Variants in ADAMTS17 observed in about 807,000 individuals in gnomAD.
ADAMTS17 encodes the protein A disintegrin and metalloproteinase with thrombospondin motifs 17.
A neutral mutation model predicts 141.5 loss-of-function variants in ADAMTS17; 113 were observed. The ratio of observed to expected loss-of-function variants is 0.80; its 90% CI spans 0.69 to 0.93. The LOEUF is 0.93. Ranked by LOEUF, ADAMTS17 falls within the 40% of genes least tolerant of loss-of-function variation. The probability of loss-of-function intolerance (pLI) is 0.00; values close to 1 mark genes in which losing one functional copy is unlikely to be tolerated. For synonymous variants in ADAMTS17, 768 were observed against 630.6 expected, an observed-to-expected ratio of 1.22 and a Z score of -3.27; for missense variants, 1,659 against 1,517.9, an observed-to-expected ratio of 1.09 and a Z score of -1.54.
intron 3 of ADAMTS17, among the ~76,000 whole-genome samples, chr15:100,321,250 T>A (rs928792978): frequency 6.6e-6 from 1 of 151,938 alleles, no homozygotes; most frequent in African/African-American, 2.4e-5. Context: ...AAATTTTTTT[T>A]AAAAGTTGGT....
intron 20 of ADAMTS17, among the ~76,000 whole-genome samples, chr15:99,985,305 A>G (rs983616677): frequency 9.2e-5 from 14 of 152,256 alleles, no homozygotes; most frequent in Non-Finnish European, 1.9e-4. Context: ...ATCTGGATGC[A>G]GAGTGCTGGC....
chr15:100,279,194 C>G (rs2044202162), intron 4 of ADAMTS17, among the ~76,000 whole-genome samples: 1 of 152,222 alleles, frequency 6.6e-6, no homozygotes, highest in African/African-American at 2.4e-5. Flanking sequence ...CCTGCAGACC[C>G]TGTCCAGCCA....
chr15:100,195,954 G>A (rs1218138721), intron 8 of ADAMTS17, among the ~76,000 whole-genome samples: 1 of 152,182 alleles, frequency 6.6e-6, no homozygotes, highest in Non-Finnish European at 1.5e-5. Context: ...TTCCTAACCT[G>A]TAAAGTAAAA....
intron 7 of ADAMTS17, among the ~76,000 whole-genome samples, chr15:100,224,332 A>G (rs1210421921): frequency 6.6e-6 from 1 of 152,104 alleles, no homozygotes; most frequent in Non-Finnish European, 1.5e-5. Context: ...GGGGGTACAG[A>G]TATACCAGGG....
intron 10 of ADAMTS17, among the ~76,000 whole-genome samples, chr15:100,135,131 G>C (rs532952639): frequency 6.6e-6 from 1 of 152,108 alleles, no homozygotes; most frequent in African/African-American, 2.4e-5. Flanking sequence ...TCAACTGTTC[G>C]TTATGGATTT....
At chr15:100,039,825 G>A (rs1367290702) in intron 18 of ADAMTS17, among the ~76,000 whole-genome samples, 1 of 152,122 alleles carries the variant, frequency 6.6e-6, no homozygotes, top group South Asian at 2.1e-4. Flanking sequence ...AGGTATTGAA[G>A]TCTCCAGTTA....
intron 4 of ADAMTS17, among the ~76,000 whole-genome samples, chr15:100,272,148 T>C (rs553188676): frequency 1.3e-5 from 2 of 152,200 alleles, no homozygotes; most frequent in Non-Finnish European, 2.9e-5. Flanking sequence ...GTGTGAGTCT[T>C]ACTGTGTTCT....
intron 3 of ADAMTS17, among the ~76,000 whole-genome samples, chr15:100,314,362 C>T (rs28665519): frequency 0.27 from 41,222 of 152,064 alleles, 5,739 homozygotes; most frequent in East Asian, 0.34. Flanking sequence ...TCTATCCTTA[C>T]GTTAAATAAG....
At chr15:100,217,981 G>A (rs1351284942) in intron 7 of ADAMTS17, among the ~76,000 whole-genome samples, 1 of 152,176 alleles carries the variant, frequency 6.6e-6, no homozygotes, top group Non-Finnish European at 1.5e-5. Context: ...CCCGGGCTCA[G>A]GGCATCCTCC....
chr15:100,272,143 A>C (rs937071482), intron 4 of ADAMTS17, among the ~76,000 whole-genome samples: 2 of 152,186 alleles, frequency 1.3e-5, no homozygotes, highest in African/African-American at 4.8e-5. Context: ...AGGAAGTGTG[A>C]GTCTTACTGT....
intron 4 of ADAMTS17, among the ~76,000 whole-genome samples, chr15:100,263,600 C>G (rs1258134295): frequency 6.6e-6 from 1 of 152,122 alleles, no homozygotes; most frequent in African/African-American, 2.4e-5. Context: ...ATGGAAAAAG[C>G]CCACTGCAGC....
chr15:100,005,466 C>A (rs1002238369), intron 18 of ADAMTS17, among the ~76,000 whole-genome samples: 6 of 152,112 alleles, frequency 3.9e-5, no homozygotes, highest in Non-Finnish European at 7.3e-5. Flanking sequence ...CCACGCTGCC[C>A]CACTCCTTGG....
intron 7 of ADAMTS17, among the ~76,000 whole-genome samples, chr15:100,233,628 C>CACAGGCAAAGGACAGAGAA (rs2042560753): frequency 3.3e-5 from 5 of 152,146 alleles, no homozygotes; most frequent in Admixed American, 3.3e-4. Context: ...GTTCCCATCA[C>CACAGGCAAAGGACAGAGAA]ACAGGCAAAG....
At chr15:100,219,138 G>C (rs2042057032) in intron 7 of ADAMTS17, among the ~76,000 whole-genome samples, 1 of 152,194 alleles carries the variant, frequency 6.6e-6, no homozygotes. Flanking sequence ...GAAATGTCCA[G>C]AACAGGCAAA....
intron 12 of ADAMTS17, among the ~76,000 whole-genome samples, chr15:100,121,131 C>T (rs2037431207): frequency 6.6e-6 from 1 of 152,054 alleles, no homozygotes; most frequent in Admixed American, 6.5e-5. Context: ...AATTAGCAAA[C>T]TTGAATATAG....
intron 15 of ADAMTS17, among the ~76,000 whole-genome samples, chr15:100,057,615 T>C (rs998725796): frequency 2.0e-5 from 3 of 152,144 alleles, no homozygotes; most frequent in Non-Finnish European, 2.9e-5. Flanking sequence ...TAAGCAATGG[T>C]ACCCAGGGTT....
intron 15 of ADAMTS17, among the ~76,000 whole-genome samples, chr15:100,073,553 C>T (rs2034141966): frequency 6.6e-6 from 1 of 151,844 alleles, no homozygotes; most frequent in Non-Finnish European, 1.5e-5. Flanking sequence ...AAAAATGTGG[C>T]ACATATACAC....
chr15:100,007,480 G>A (rs1157756600), intron 18 of ADAMTS17, among the ~76,000 whole-genome samples: 1 of 152,028 alleles, frequency 6.6e-6, no homozygotes, highest in East Asian at 1.9e-4. Flanking sequence ...GAGTGCAATG[G>A]CACGATCTCG....
intron 20 of ADAMTS17, among the ~76,000 whole-genome samples, chr15:99,984,211 G>T (rs1054778773): frequency 2.0e-5 from 3 of 152,198 alleles, no homozygotes; most frequent in African/African-American, 7.2e-5. Flanking sequence ...ACCCCCGATG[G>T]CCTGCAGGGG....
Sources: allele counts gnomAD v4.1 joint callset (sites outside exome capture counted in the v4.1 genomes callset), GRCh38; gene constraint gnomAD v4.1.1; transcripts MANE v1.5; gene names NCBI Gene and HGNC (gene_info 2026-07-23, HGNC 2026-07-21).